The following DTWD2 variants were observed in gnomAD, a reference collection of about 807,000 sequenced individuals.
The protein encoded by DTWD2 is tRNA-uridine aminocarboxypropyltransferase 2.
DTWD2 carries 39 observed loss-of-function variants against 31.8 expected under a neutral mutation model. The observed-to-expected ratio is 1.22, with a 90% CI of 0.95 to 1.60. DTWD2 has a LOEUF of 1.60. Among genes scored for constraint, DTWD2 ranks in the 40% most tolerant of loss-of-function variants. The probability of loss-of-function intolerance (pLI) is 0.00; values close to 1 mark genes in which losing one functional copy is unlikely to be tolerated. For synonymous variants in DTWD2, 180 were observed against 142.8 expected (o/e 1.26, Z -1.86); for missense variants, 515 against 381.5 (o/e 1.35, Z -2.92).
intron 1 of DTWD2, among the ~76,000 whole-genome samples, chr5:118,968,205 A>G (rs1015291022): frequency 6.6e-6 from 1 of 152,180 alleles, no homozygotes; most frequent in Non-Finnish European, 1.5e-5. Context: ...GTGAAAAAAA[A>G]AAAAAGAAAA....
At chr5:118,979,433 T>C (rs1370972628) in intron 1 of DTWD2, among the ~76,000 whole-genome samples, 1 of 152,230 alleles carries the variant, frequency 6.6e-6, no homozygotes. Flanking sequence ...TCAACCATTG[T>C]GGAAGATAAT....
At chr5:118,925,499 T>C (rs1024148481) in intron 4 of DTWD2, among the ~76,000 whole-genome samples, 1 of 152,158 alleles carries the variant, frequency 6.6e-6, no homozygotes, top group African/African-American at 2.4e-5. Context: ...TGATGAAAAG[T>C]GTTAAAACAC....
Position 118,939,245 on chromosome 5 carries a change from G to A in DTWD2, c.355C>T (p.Pro119Ser), listed in dbSNP as rs1296998985. 7 of 1,602,146 alleles carry A rather than the reference G, an allele frequency of 4.4e-6. No homozygotes were observed. The highest frequency in any genetic ancestry group is 1.1e-5 in the South Asian group (1 of 89,278). Residue 119 changes from proline (P) to serine (S), a missense_variant, in exon 3 of 6, where the codon CCC becomes TCC. By Grantham distance (74) the Pro-to-Ser change is moderately conservative. Coordinates refer to ENST00000510708, the MANE Select transcript of DTWD2 (RefSeq NM_173666.4). ...RTVPLLAACL[P>S]QDKCKVKIGR... ...ATCTTCACTTTACACTTGTCCTGGG[G>A]GAGGCATGCTGCTAGTAGAGGAACT...
chr5:118,903,780 G>A (rs185523394), intron 4 of DTWD2, among the ~76,000 whole-genome samples: 35 of 151,918 alleles, frequency 2.3e-4, no homozygotes, highest in Non-Finnish European at 4.0e-4. Flanking sequence ...CAACAAAAGC[G>A]AAATAATAAA....
intron 4 of DTWD2, among the ~76,000 whole-genome samples, chr5:118,904,679 A>C (rs1296731760): frequency 6.6e-6 from 1 of 152,142 alleles, no homozygotes; most frequent in Non-Finnish European, 1.5e-5. Context: ...AATTGATAGA[A>C]GAAACAGACA....
intron 4 of DTWD2, among the ~76,000 whole-genome samples, chr5:118,901,859 C>CAGCCTCCCATGT (rs1753218059): frequency 6.6e-6 from 1 of 152,180 alleles, no homozygotes; most frequent in Admixed American, 6.5e-5. Context: ...CCTCTTGCCT[C>CAGCCTCCCATGT]AGCCTCCCAT....
intron 4 of DTWD2, among the ~76,000 whole-genome samples, chr5:118,868,667 G>A (rs1004483069): frequency 6.6e-6 from 1 of 151,804 alleles, no homozygotes; most frequent in African/African-American, 2.4e-5. Flanking sequence ...GTGAGACTCT[G>A]TCTCTACCAA....
At chr5:118,874,502 T>G (rs568388470) in intron 4 of DTWD2, among the ~76,000 whole-genome samples, 1 of 152,082 alleles carries the variant, frequency 6.6e-6, no homozygotes, top group African/African-American at 2.4e-5. Flanking sequence ...AGAGCCAATA[T>G]AGAGAAGACT....
At chr5:118,865,996 G>A (rs1423378151) in intron 4 of DTWD2, among the ~76,000 whole-genome samples, 5 of 123,690 alleles carry the variant, frequency 4.0e-5, no homozygotes, top group Admixed American at 1.6e-4. Flanking sequence ...GTGTGTCTGC[G>A]TGTGTGTGTG....
chr5:118,967,596 G>A (rs1273599786), intron 1 of DTWD2, among the ~76,000 whole-genome samples: 1 of 152,026 alleles, frequency 6.6e-6, no homozygotes. Context: ...TGACCCAGGA[G>A]GGAACAATTT....
intron 4 of DTWD2, among the ~76,000 whole-genome samples, chr5:118,895,830 T>TTA (rs1753073540): frequency 6.6e-6 from 1 of 152,126 alleles, no homozygotes; most frequent in Non-Finnish European, 1.5e-5. Context: ...GATAGAACTA[T>TTA]TATATATCCC....
At chr5:118,875,065 C>T (rs1445172909) in intron 4 of DTWD2, among the ~76,000 whole-genome samples, 1 of 152,164 alleles carries the variant, frequency 6.6e-6, no homozygotes, top group African/African-American at 2.4e-5. Context: ...TTCAATATTT[C>T]TTAAAGAAAA....
At chr5:118,910,475 T>G (rs894230362) in intron 4 of DTWD2, among the ~76,000 whole-genome samples, 1 of 152,184 alleles carries the variant, frequency 6.6e-6, no homozygotes, top group African/African-American at 2.4e-5. Context: ...TTACCAACAT[T>G]TTAATCATGA....
chr5:118,839,367 T>C lies in DTWD2; in HGVS notation c.*1550A>G, dbSNP rs1425312016. 2.0e-5 allele frequency: 3 copies of C among 152,120 alleles called. No homozygotes were observed. The highest frequency in any genetic ancestry group is 6.6e-5 in the Admixed American group (1 of 15,260). The allele number at this position is 152,120 out of a possible 1,614,324, so 9.4% of individuals were successfully genotyped here. A position where few individuals can be genotyped will look rare whatever the true frequency, so the allele number is the denominator to read the frequency against. On this transcript the variant is annotated 3_prime_UTR_variant, in exon 6 of 6. Transcript: ENST00000510708. ...ATGAGCTAGTTTGTTTATTTATTTATTTATTTTAGACAGGTCTCACTCTGT... is the reference window on the plus strand; with the variant it reads ...ATGAGCTAGTTTGTTTATTTATTTACTTATTTTAGACAGGTCTCACTCTGT...
intron 4 of DTWD2, among the ~76,000 whole-genome samples, chr5:118,875,327 T>C (rs1016627494): frequency 2.6e-5 from 4 of 152,098 alleles, no homozygotes; most frequent in Non-Finnish European, 5.9e-5. Flanking sequence ...AGCATCATGA[T>C]GACAGGAACA....
At chr5:118,976,618 C>T (rs1755167030) in intron 1 of DTWD2, among the ~76,000 whole-genome samples, 1 of 152,096 alleles carries the variant, frequency 6.6e-6, no homozygotes. Context: ...TGGACATATA[C>T]ACCCTCCCAA....
intron 4 of DTWD2, among the ~76,000 whole-genome samples, chr5:118,889,293 A>G (rs1036443418): frequency 6.6e-6 from 1 of 152,224 alleles, no homozygotes; most frequent in African/African-American, 2.4e-5. Flanking sequence ...AACAGCACAG[A>G]ATCCATATAA....
At chr5:118,937,759 C>A (rs1754077200) in intron 3 of DTWD2, among the ~76,000 whole-genome samples, 1 of 152,168 alleles carries the variant, frequency 6.6e-6, no homozygotes, top group South Asian at 2.1e-4. Flanking sequence ...CCCTTCCCAC[C>A]CACCCAGCGG....
intron 4 of DTWD2, among the ~76,000 whole-genome samples, chr5:118,901,088 T>C (rs1229834016): frequency 6.6e-6 from 1 of 152,034 alleles, no homozygotes; most frequent in Non-Finnish European, 1.5e-5. Flanking sequence ...TTATAAAATA[T>C]GTGAATATAA....
Sources: gnomAD v4.1 joint callset for allele counts (sites outside exome capture counted in the v4.1 genomes callset) on GRCh38, gnomAD v4.1.1 for gene constraint, MANE v1.5 for transcripts, NCBI Gene and HGNC (gene_info 2026-07-23, HGNC 2026-07-21) for gene names.